The following MEIS1 variants were observed in gnomAD, a reference collection of about 807,000 sequenced individuals.
The protein encoded by MEIS1 is Meis homeobox 1.
A neutral mutation model predicts 50.8 loss-of-function variants in MEIS1; 5 were observed. The ratio of observed to expected loss-of-function variants is 0.10; its 90% CI spans 0.05 to 0.21. MEIS1 has a LOEUF of 0.21. Ranked by LOEUF, MEIS1 falls within the 10% of genes least tolerant of loss-of-function variation. The probability of loss-of-function intolerance (pLI) is 1.00; values close to 1 mark genes in which losing one functional copy is unlikely to be tolerated. For missense variants in MEIS1, 318 were observed against 517.3 expected, an observed-to-expected ratio of 0.61 and a Z score of 3.74; for synonymous variants, 176 against 179.3, an observed-to-expected ratio of 0.98 and a Z score of 0.15.
intron 7 of MEIS1, among the ~76,000 whole-genome samples, chr2:66,504,632 A>G (rs1325688378): frequency 6.6e-6 from 1 of 152,198 alleles, no homozygotes; most frequent in East Asian, 1.9e-4. Flanking sequence ...TAGGAAGCTT[A>G]TTGAGCCATT....
At chr2:66,570,165 G>C (rs1675448407) in intron 12 of MEIS1, 1 of 152,134 alleles carries the variant, frequency 6.6e-6, no homozygotes, top group Non-Finnish European at 1.5e-5. Flanking sequence ...TCTTCTCTGG[G>C]TGTGAGTCAA....
intron 7 of MEIS1, among the ~76,000 whole-genome samples, chr2:66,485,449 G>A (rs1163001291): frequency 6.6e-6 from 1 of 152,114 alleles, no homozygotes; most frequent in Non-Finnish European, 1.5e-5. Context: ...CTTTTTTATG[G>A]ATGCATAGTA....
intron 9 of MEIS1, among the ~76,000 whole-genome samples, chr2:66,560,215 A>G (rs1353780563): frequency 6.6e-6 from 1 of 151,680 alleles, no homozygotes; most frequent in Non-Finnish European, 1.5e-5. Context: ...TTAATGCCTA[A>G]GGCCAAAATA....
intron 6 of MEIS1, 141 bp from the exon 7 acceptor site, chr2:66,463,968 G>A (rs1458027816): frequency 1.6e-6 from 1 of 628,236 alleles, no homozygotes; most frequent in African/African-American, 1.8e-5. Context: ...CTCTGAGCTG[G>A]AACCATGGTT....
intron 12 of MEIS1, 95 bp downstream of exon 12, chr2:66,569,240 G>T (rs1378433807): frequency 9.7e-6 from 10 of 1,033,146 alleles, no homozygotes; most frequent in Non-Finnish European, 9.9e-6. Context: ...CTTCATGCTT[G>T]TTCATTCCTT....
At chr2:66,529,003 T>C (rs1444055809) in intron 8 of MEIS1, among the ~76,000 whole-genome samples, 1 of 152,176 alleles carries the variant, frequency 6.6e-6, no homozygotes, top group African/African-American at 2.4e-5. Flanking sequence ...CCTTACATGC[T>C]GTTCCCTCAC....
intron 7 of MEIS1, among the ~76,000 whole-genome samples, chr2:66,477,688 A>T (rs146446084): frequency 7.0e-4 from 106 of 152,288 alleles, no homozygotes; most frequent in African/African-American, 2.4e-3. Context: ...AAATGAGGTG[A>T]CTTCCCCCTT....
intron 7 of MEIS1, among the ~76,000 whole-genome samples, chr2:66,508,317 C>T (rs1673734419): frequency 6.6e-6 from 1 of 152,230 alleles, no homozygotes; most frequent in South Asian, 2.1e-4. Context: ...ACCTTTGAGT[C>T]CAGCATCCAA....
At chr2:66,541,661 T>C (rs1674655911) in intron 8 of MEIS1, among the ~76,000 whole-genome samples, 1 of 152,158 alleles carries the variant, frequency 6.6e-6, no homozygotes, top group Non-Finnish European at 1.5e-5. Context: ...AACTAGGCAA[T>C]ATAGGAGTGT....
At chr2:66,453,157 G>A (rs1427245296) in intron 6 of MEIS1, among the ~76,000 whole-genome samples, 1 of 151,950 alleles carries the variant, frequency 6.6e-6, no homozygotes, top group East Asian at 1.9e-4. Flanking sequence ...AATTGTTTGA[G>A]TGTTTAATAT....
chr2:66,562,647 A>G (rs4671158), intron 9 of MEIS1, among the ~76,000 whole-genome samples: 62,058 of 151,802 alleles, frequency 0.41, 12,972 homozygotes, highest in Middle Eastern at 0.45. Flanking sequence ...CAACTAAGTA[A>G]AAAAGAAATA....
At chr2:66,510,971 T>A (rs151053725) in intron 7 of MEIS1, among the ~76,000 whole-genome samples, 1 of 152,288 alleles carries the variant, frequency 6.6e-6, no homozygotes, top group Non-Finnish European at 1.5e-5. Context: ...TAGTTGGCTC[T>A]CCAGTGGCTT....
At chr2:66,488,644 C>T (rs893322445) in intron 7 of MEIS1, among the ~76,000 whole-genome samples, 3 of 152,160 alleles carry the variant, frequency 2.0e-5, no homozygotes, top group South Asian at 2.1e-4. Flanking sequence ...CGCCACTGCA[C>T]TCCAGCCTAG....
chr2:66,533,399 C>T (rs1281772425), intron 8 of MEIS1, among the ~76,000 whole-genome samples: 2 of 152,146 alleles, frequency 1.3e-5, no homozygotes, highest in Non-Finnish European at 2.9e-5. Context: ...GACTTAGGCA[C>T]TTACAGCAAT....
intron 8 of MEIS1, among the ~76,000 whole-genome samples, chr2:66,533,582 C>A (rs1009532512): frequency 5.3e-5 from 8 of 152,116 alleles, no homozygotes; most frequent in Admixed American, 2.0e-4. Context: ...CTGTGAAGCT[C>A]AAATAAACTC....
chr2:66,480,725 A>G (rs1010434154), intron 7 of MEIS1, among the ~76,000 whole-genome samples: 6 of 152,212 alleles, frequency 3.9e-5, no homozygotes, highest in African/African-American at 1.4e-4. Context: ...CTTGCTGTCT[A>G]AGAAAACGAT....
At chr2:66,442,214 C>G (rs910776655) in intron 5 of MEIS1, among the ~76,000 whole-genome samples, 2 of 148,918 alleles carry the variant, frequency 1.3e-5, no homozygotes, top group African/African-American at 2.5e-5. Context: ...CCTGGGACCT[C>G]TAGGAAACCT....
rs1200738066 is a variant in MEIS1 at position 66,440,055 on chromosome 2, G to A, written c.381+71G>A. 1.3e-5 allele frequency: 17 copies of A among 1,320,252 alleles called. No homozygotes were observed. The African/African-American group carries it at 3.2e-4, about 25-fold the overall frequency. The allele number at this position is 1,320,252 out of a possible 1,614,324, so 81.8% of individuals were successfully genotyped here. A position where few individuals can be genotyped will look rare whatever the true frequency, so the allele number is the denominator to read the frequency against. ...CCCCCCTTCGCCAACACACACGCGC[G>A]CGCGCGCGCGCGAACACACACACAC... On this transcript the variant is annotated intron_variant, in intron 3 of 12. Coordinates refer to ENST00000272369, the MANE Select transcript of MEIS1 (RefSeq NM_002398.3).
At chr2:66,457,090 AAAAAGGCAAAAC>A (rs1293756746) in intron 6 of MEIS1, among the ~76,000 whole-genome samples, 1 of 152,118 alleles carries the variant, frequency 6.6e-6, no homozygotes, top group Non-Finnish European at 1.5e-5. Flanking sequence ...TTAAGAAAAA[AAAAAGGCAAAAC>A]AAAACATACT....
Sources: gnomAD v4.1 joint callset for allele counts (sites outside exome capture counted in the v4.1 genomes callset) on GRCh38, gnomAD v4.1.1 for gene constraint, MANE v1.5 for transcripts, NCBI Gene and HGNC (gene_info 2026-07-23, HGNC 2026-07-21) for gene names.